Variants in ERC1 observed in about 807,000 individuals in gnomAD.
The protein encoded by ERC1 is RAB6 interacting protein 2.
ERC1 carries 56 observed loss-of-function variants against 132.0 expected under a neutral mutation model. The observed-to-expected ratio is 0.42, with a 90% confidence interval of 0.34 to 0.53. ERC1 has a LOEUF of 0.53. Among genes scored for constraint, ERC1 ranks in the 20% least tolerant of loss-of-function variants. The pLI, the probability that ERC1 is intolerant of heterozygous loss-of-function variation, is 0.03. For missense variants in ERC1, 1,202 were observed against 1,349.9 expected (o/e 0.89, Z 1.72); for synonymous variants, 478 against 476.1 (o/e 1.00, Z -0.05).
chr12:1,241,971 G>C (rs930145531), intron 13 of ERC1, among the ~76,000 whole-genome samples: 5 of 145,926 alleles, frequency 3.4e-5, no homozygotes, highest in African/African-American at 1.3e-4. Flanking sequence ...TGATTCTCCT[G>C]CCTCAGCCTC....
rs1463621134 is a variant in ERC1, at chr12:1,189,708, T to C, written c.2158-151T>C. 3 of 551,732 alleles carry C rather than the reference T, an allele frequency of 5.4e-6. No individual in the cohort carries two copies. The African/African-American group carries it at 5.6e-5, about 10-fold the overall frequency. 34.2% of individuals were successfully genotyped at this position (551,732 alleles called of 1,614,324 possible). On this transcript the variant is annotated intron_variant, in intron 11 of 18. Transcript: ENST00000360905. ...TTACTAATATTTGTCTATATAATAC[T>C]TAAGCAGATAAAAACCTTATAAATT...
Position 1,323,566 on chromosome 12 carries a change from A to G in ERC1, c.2780+33554A>G, listed in dbSNP as rs542139495. Among the ~76,000 whole-genome samples, 7 of 152,318 alleles carry G rather than the reference A, an allele frequency of 4.6e-5. No individual in the cohort carries two copies. In the South Asian group the frequency reaches 1.0e-3, roughly 23 times the overall value. On this transcript the variant is annotated intron_variant, in intron 15 of 18. Coordinates refer to ENST00000360905, the MANE Select transcript of ERC1 (RefSeq NM_178040.4). ...TTGTGAATATTGAGACTCAAATGCT[A>G]TGTTTGTACAAGGAAATCACAAATC...
chr12:1,282,590 G>A (rs146634200), intron 14 of ERC1, among the ~76,000 whole-genome samples: 3 of 152,236 alleles, frequency 2.0e-5, no homozygotes, highest in African/African-American at 7.2e-5. Flanking sequence ...AGCTCTCTTG[G>A]GAAATGTAAA....
At chr12:1,134,716 G>A (rs1178801263) in intron 7 of ERC1, among the ~76,000 whole-genome samples, 1 of 149,090 alleles carries the variant, frequency 6.7e-6, no homozygotes, top group Non-Finnish European at 1.5e-5. Flanking sequence ...AATAATTGGG[G>A]GTCCTCAGTA....
At chr12:1,038,166 C>A (rs530795935) in intron 2 of ERC1, among the ~76,000 whole-genome samples, 1 of 152,112 alleles carries the variant, frequency 6.6e-6, no homozygotes, top group South Asian at 2.1e-4. Context: ...CTGACAGCTG[C>A]GTGGGTGCCC....
intron 15 of ERC1, among the ~76,000 whole-genome samples, chr12:1,337,066 T>C (rs1323601918): frequency 6.6e-6 from 1 of 152,198 alleles, no homozygotes; most frequent in Non-Finnish European, 1.5e-5. Flanking sequence ...TCTGCCCACC[T>C]CAGCCTTCCA....
intron 18 of ERC1, among the ~76,000 whole-genome samples, chr12:1,461,529 G>T (rs77918180): frequency 6.6e-6 from 1 of 152,002 alleles, no homozygotes; most frequent in Non-Finnish European, 1.5e-5. Context: ...TTAACCTGGC[G>T]TGGTGGTGGG....
intron 14 of ERC1, among the ~76,000 whole-genome samples, chr12:1,268,130 G>T (rs2077589429): frequency 6.6e-6 from 1 of 152,180 alleles, no homozygotes; most frequent in Non-Finnish European, 1.5e-5. Flanking sequence ...TGGTAGAGGG[G>T]TATGTCTGTA....
chr12:1,050,426 G>T (rs926209162), intron 2 of ERC1, among the ~76,000 whole-genome samples: 1 of 152,126 alleles, frequency 6.6e-6, no homozygotes, highest in Non-Finnish European at 1.5e-5. Context: ...CTTTATTACA[G>T]CACTATGAGC....
At chr12:1,168,180 G>A (rs1273869570) in intron 8 of ERC1, among the ~76,000 whole-genome samples, 1 of 152,082 alleles carries the variant, frequency 6.6e-6, no homozygotes, top group Non-Finnish European at 1.5e-5. Context: ...CCGTGTAGTG[G>A]TGCGATCGTG....
At chr12:1,378,912 G>A (rs12296944) in intron 16 of ERC1, among the ~76,000 whole-genome samples, 44,328 of 151,856 alleles carry the variant, frequency 0.29, 6,702 homozygotes, top group Middle Eastern at 0.35. Flanking sequence ...TTCCCATTAG[G>A]GACTTCATGG....
At chr12:998,730 C>G (rs544471653) in intron 1 of ERC1, among the ~76,000 whole-genome samples, 95 of 152,242 alleles carry the variant, frequency 6.2e-4, no homozygotes, top group African/African-American at 2.1e-3. Flanking sequence ...TCAGGACTGT[C>G]TACCACAGCA....
At chr12:1,479,098 T>C (rs1479221703) in intron 18 of ERC1, among the ~76,000 whole-genome samples, 1 of 152,214 alleles carries the variant, frequency 6.6e-6, no homozygotes, top group Admixed American at 6.5e-5. Context: ...AGTGGCCATA[T>C]ACGTGTAGGG....
At chr12:1,224,928 A>C (rs899676931) in intron 12 of ERC1, among the ~76,000 whole-genome samples, 46 of 151,978 alleles carry the variant, frequency 3.0e-4, no homozygotes, top group African/African-American at 1.1e-3. Context: ...GAAATGAGCT[A>C]TGATTGTGCC....
chr12:1,011,372 T>C (rs1473017266), intron 1 of ERC1, among the ~76,000 whole-genome samples: 3 of 152,092 alleles, frequency 2.0e-5, no homozygotes, highest in East Asian at 3.9e-4. Context: ...CCCGGCTAAT[T>C]AAAAAAATTT....
At chr12:1,243,625 C>G (rs1272399119) in intron 13 of ERC1, among the ~76,000 whole-genome samples, 2 of 152,184 alleles carry the variant, frequency 1.3e-5, no homozygotes, top group East Asian at 3.9e-4. Context: ...TCATTTAGAG[C>G]AGTGGTTCTC....
chr12:1,034,265 CATA>C (rs977551896), intron 2 of ERC1, among the ~76,000 whole-genome samples: 1 of 151,902 alleles, frequency 6.6e-6, no homozygotes, highest in African/African-American at 2.4e-5. Context: ...GTGGCTGAGA[CATA>C]ATTTTTTATT....
At chr12:1,463,443 G>A (rs186123681) in intron 18 of ERC1, among the ~76,000 whole-genome samples, 1 of 152,200 alleles carries the variant, frequency 6.6e-6, no homozygotes, top group East Asian at 1.9e-4. Context: ...TTCTTTGTGG[G>A]GCAGCAAACT....
chr12:1,080,229 C>CT (rs1217484189), intron 2 of ERC1, among the ~76,000 whole-genome samples: 1 of 152,204 alleles, frequency 6.6e-6, no homozygotes, highest in African/African-American at 2.4e-5. Flanking sequence ...CTCCAGAACT[C>CT]TTTTCATCTT....
Sources: gnomAD v4.1 joint callset for allele counts (sites outside exome capture counted in the v4.1 genomes callset) on GRCh38, gnomAD v4.1.1 for gene constraint, MANE v1.5 for transcripts, NCBI Gene and HGNC (gene_info 2026-07-23, HGNC 2026-07-21) for gene names.